IRF2: variants seen among roughly 807,000 people sequenced by gnomAD.
IRF2 encodes the protein interferon regulatory factor 2.
A neutral mutation model predicts 40.6 loss-of-function variants in IRF2; 15 were observed. The ratio of observed to expected loss-of-function variants is 0.37; its 90% CI spans 0.25 to 0.57. IRF2 has a LOEUF of 0.57. Ranked by LOEUF, IRF2 falls within the 20% of genes least tolerant of loss-of-function variation. IRF2 has a pLI of 0.77. For missense variants in IRF2, 317 were observed against 455.7 expected (o/e 0.70, Z 2.77); for synonymous variants, 151 against 165.5 (o/e 0.91, Z 0.67).
At chr4:184,435,125 C>G (rs1738030934) in intron 1 of IRF2, among the ~76,000 whole-genome samples, 1 of 152,172 alleles carries the variant, frequency 6.6e-6, no homozygotes, top group Admixed American at 6.5e-5. Context: ...GACATAGGGA[C>G]TTTATTATCC....
intron 1 of IRF2, among the ~76,000 whole-genome samples, chr4:184,473,152 C>A (rs1739579901): frequency 6.6e-6 from 1 of 152,014 alleles, no homozygotes; most frequent in East Asian, 1.9e-4. Context: ...TGGCGGCCGC[C>A]GCGGCTTTGC....
intron 1 of IRF2, among the ~76,000 whole-genome samples, chr4:184,464,949 A>G (rs993311605): frequency 6.6e-6 from 1 of 151,816 alleles, no homozygotes; most frequent in Non-Finnish European, 1.5e-5. Flanking sequence ...TGTACATTCC[A>G]TTAGTTTTCA....
rs1736955046 is a variant in IRF2 at position 184,408,674 on chromosome 4, A to G, written c.412-399T>C. 6.6e-6 allele frequency among the ~76,000 whole-genome samples: 1 copy of G among 152,216 alleles called. No individual in the cohort carries two copies. Among genetic ancestry groups the G allele is most frequent in the Non-Finnish European group, 1.5e-5 (1 of 68,038 alleles). On this transcript the variant is annotated intron_variant, in intron 5 of 8. Transcript: ENST00000393593. This position sits in a 1 kb window ranked among gnomAD's most constrained non-coding sequence, Gnocchi z 4.9. Reference sequence around the variant, plus strand: ...CAATGCCTGGCTTTCACCAGGGAGGAATCATGCTACCTCTTTCATAATTAT... The same window carrying G: ...CAATGCCTGGCTTTCACCAGGGAGGGATCATGCTACCTCTTTCATAATTAT...
At chr4:184,435,571 G>C (rs1738046528) in intron 1 of IRF2, among the ~76,000 whole-genome samples, 1 of 152,070 alleles carries the variant, frequency 6.6e-6, no homozygotes, top group Admixed American at 6.6e-5. Flanking sequence ...AAAATTAGGG[G>C]GGCAAGATCT....
intron 1 of IRF2, among the ~76,000 whole-genome samples, chr4:184,436,276 T>C (rs1738074818): frequency 6.6e-6 from 1 of 152,274 alleles, no homozygotes; most frequent in East Asian, 1.9e-4. Context: ...CGCCCGGCCA[T>C]GGAACGCCTT....
chr4:184,403,984 C>A (rs1327319427), intron 6 of IRF2, among the ~76,000 whole-genome samples: 1 of 152,058 alleles, frequency 6.6e-6, no homozygotes, highest in Non-Finnish European at 1.5e-5. Flanking sequence ...TACTGATGAA[C>A]CGGTTTGCTT....
chr4:184,436,113 A>C (rs529511188), intron 1 of IRF2, among the ~76,000 whole-genome samples: 1 of 151,794 alleles, frequency 6.6e-6, no homozygotes, highest in Admixed American at 6.6e-5. Context: ...AGTAGCTGGG[A>C]CTACAGGTGC....
At chr4:184,404,343 C>G (rs1736774409) in intron 6 of IRF2, among the ~76,000 whole-genome samples, 1 of 152,136 alleles carries the variant, frequency 6.6e-6, no homozygotes, top group Non-Finnish European at 1.5e-5. Flanking sequence ...TGACATGGCA[C>G]AGATGGAGGC....
At chr4:184,431,980 G>A (rs1375971435) in intron 1 of IRF2, 1 of 152,100 alleles carries the variant, frequency 6.6e-6, no homozygotes, top group Admixed American at 6.5e-5. Context: ...ATTAGTGATG[G>A]CTTTTAAAGT....
chr4:184,449,842 A>G (rs1208365465), intron 1 of IRF2, among the ~76,000 whole-genome samples: 2 of 152,140 alleles, frequency 1.3e-5, no homozygotes, highest in Non-Finnish European at 2.9e-5. Flanking sequence ...GAACTATGGT[A>G]TGTGGTTAGT....
intron 6 of IRF2, among the ~76,000 whole-genome samples, chr4:184,405,284 C>T (rs1736814298): frequency 6.6e-6 from 1 of 152,066 alleles, no homozygotes; most frequent in African/African-American, 2.4e-5. Flanking sequence ...TAGAGGTAAC[C>T]AGTGTCTCAA....
At position 184,425,989 on chromosome 4, in the gene IRF2, TG is replaced by T. The variant is rs773964518; in HGVS notation, c.87+2988del. Reference sequence around the variant, plus strand: ...GGGCTCACTCCGGTTTTTGTTTGTTTGTTTGTTTGTTTGTTTGTTTGTTTGT... The same window carrying T: ...GGGCTCACTCCGGTTTTTGTTTGTTTTTTGTTTGTTTGTTTGTTTGTTTGT... On this transcript the variant is annotated intron_variant, in intron 2 of 8. Coordinates refer to ENST00000393593, the MANE Select transcript of IRF2 (RefSeq NM_002199.4). Among the ~76,000 whole-genome samples the T allele has an allele frequency of 6.7e-4, 80 of 120,026 alleles. 1 individual carries two copies. Among genetic ancestry groups the T allele is most frequent in the Middle Eastern group, 4.4e-3 (1 of 226 alleles). The allele number at this position is 120,026 out of a possible 152,430, so 78.7% of individuals were successfully genotyped here.
At chr4:184,464,618 GATA>G (rs1039860197) in intron 1 of IRF2, among the ~76,000 whole-genome samples, 6 of 152,090 alleles carry the variant, frequency 3.9e-5, no homozygotes, top group Non-Finnish European at 7.4e-5. Context: ...TTTCCAAAAG[GATA>G]ATAAAACCTC....
At chr4:184,425,563 C>T (rs766578148) in intron 2 of IRF2, among the ~76,000 whole-genome samples, 3 of 152,238 alleles carry the variant, frequency 2.0e-5, no homozygotes, top group Non-Finnish European at 4.4e-5. Flanking sequence ...GCCACGGGCA[C>T]GCTCTCCTTC....
At chr4:184,452,163 G>C (rs546328972) in intron 1 of IRF2, among the ~76,000 whole-genome samples, 97 of 152,314 alleles carry the variant, frequency 6.4e-4, no homozygotes, top group African/African-American at 2.3e-3. Context: ...CAGCACTGCA[G>C]TCATGGGAAA....
intron 5 of IRF2, among the ~76,000 whole-genome samples, chr4:184,411,803 A>C (rs1737083024): frequency 1.3e-5 from 2 of 151,970 alleles, no homozygotes; most frequent in Admixed American, 1.3e-4. Flanking sequence ...CTTCGCCCGA[A>C]GCCTCTCCTG....
intron 5 of IRF2, among the ~76,000 whole-genome samples, chr4:184,416,548 C>T (rs1356155185): frequency 6.6e-6 from 1 of 152,032 alleles, no homozygotes; most frequent in Non-Finnish European, 1.5e-5. Context: ...TATGAAACAA[C>T]TGAAACTCTG....
At chr4:184,443,471 T>C (rs1738388670) in intron 1 of IRF2, among the ~76,000 whole-genome samples, 1 of 152,192 alleles carries the variant, frequency 6.6e-6, no homozygotes, top group African/African-American at 2.4e-5. Flanking sequence ...TGTGGTAGTA[T>C]TTGGTTTTCT....
chr4:184,466,613 C>A (rs1253092912), intron 1 of IRF2, among the ~76,000 whole-genome samples: 1 of 152,156 alleles, frequency 6.6e-6, no homozygotes, highest in Admixed American at 6.5e-5. Context: ...ACCGTATTTC[C>A]GTGGTTGCCT....
Sources: allele counts gnomAD v4.1 joint callset (sites outside exome capture counted in the v4.1 genomes callset), GRCh38; gene constraint gnomAD v4.1.1; non-coding constraint Gnocchi (gnomAD v3.1); transcripts MANE v1.5; gene names NCBI Gene and HGNC (gene_info 2026-07-23, HGNC 2026-07-21).